PRKD1: variants seen among roughly 807,000 people sequenced by gnomAD.
The protein encoded by PRKD1 is protein kinase D1.
In PRKD1, 63 loss-of-function variants were observed where a neutral mutation model predicts 95.9. The observed-to-expected ratio is 0.66, with a 90% CI of 0.54 to 0.81. The LOEUF (loss-of-function observed/expected upper bound fraction) is 0.81, where lower values mean the gene tolerates loss of function less well. Ranked by LOEUF, PRKD1 falls within the 30% of genes least tolerant of loss-of-function variation. The probability of loss-of-function intolerance (pLI) is 0.00; values close to 1 mark genes in which losing one functional copy is unlikely to be tolerated. For missense variants in PRKD1, 1,048 were observed against 1,165.3 expected, an observed-to-expected ratio of 0.90 and a Z score of 1.47; for synonymous variants, 425 against 423.1, an observed-to-expected ratio of 1.00 and a Z score of -0.05.
At chr14:29,752,676 C>G (rs1009897227) in intron 1 of PRKD1, among the ~76,000 whole-genome samples, 2 of 151,878 alleles carry the variant, frequency 1.3e-5, no homozygotes, top group African/African-American at 4.8e-5. Context: ...CCCATGAGGG[C>G]ATCACCAACT....
intron 1 of PRKD1, among the ~76,000 whole-genome samples, chr14:29,881,969 T>G (rs1435287244): frequency 6.6e-6 from 1 of 152,188 alleles, no homozygotes; most frequent in Admixed American, 6.5e-5. Flanking sequence ...AGTTTTATAG[T>G]TTTTTAGCAT....
At chr14:29,710,889 T>A (rs570452559) in intron 2 of PRKD1, among the ~76,000 whole-genome samples, 2 of 152,282 alleles carry the variant, frequency 1.3e-5, no homozygotes, top group East Asian at 3.9e-4. Flanking sequence ...TTATCATCTA[T>A]GAAAGACAAT....
chr14:29,578,255 A>G lies in PRKD1; in HGVS notation c.2520+20T>C. 1.9e-6 allele frequency: 3 copies of G among 1,538,570 alleles called. No homozygotes were observed. Among genetic ancestry groups the G allele is most frequent in the Non-Finnish European group, 2.7e-6 (3 of 1,125,634 alleles). ...TTTAGAAGCTCATTCAACTAAGAAAACTCAGTGATTATTGTTTACCTGTAG... is the reference window on the plus strand; with the variant it reads ...TTTAGAAGCTCATTCAACTAAGAAAGCTCAGTGATTATTGTTTACCTGTAG... On this transcript the variant is annotated intron_variant, in intron 17 of 17. Transcript: ENST00000331968.
rs1892847895 is a variant in PRKD1 at position 29,865,200 on chromosome 14, A to G, written c.264+62049T>C. On this transcript the variant is annotated intron_variant, in intron 1 of 17. Transcript: ENST00000331968. ...TCAAATGCATTATGAAGATAAGGGA[A>G]GCATCACCAGAGTGGGTGACTGTTT... Among the ~76,000 whole-genome samples the G allele has an allele frequency of 2.0e-5, 3 of 152,346 alleles. No individual in the cohort carries two copies. In the South Asian group the frequency reaches 6.2e-4, roughly 32 times the overall value.
chr14:29,599,891 A>C (rs986397105), intron 13 of PRKD1, 74 bp from the exon 14 acceptor site: 12 of 1,394,758 alleles, frequency 8.6e-6, no homozygotes, highest in Non-Finnish European at 1.2e-5. Context: ...TGATTATACA[A>C]AACTGTTCAA....
chr14:29,893,404 T>G (rs1418717729), intron 1 of PRKD1, among the ~76,000 whole-genome samples: 1 of 151,944 alleles, frequency 6.6e-6, no homozygotes. Context: ...AAAGAGGTTT[T>G]TTTTTGGTTT....
At chr14:29,774,025 T>C (rs1301250816) in intron 1 of PRKD1, among the ~76,000 whole-genome samples, 1 of 152,216 alleles carries the variant, frequency 6.6e-6, no homozygotes, top group African/African-American at 2.4e-5. Flanking sequence ...AAAAGATCAG[T>C]TGAGCTACAG....
chr14:29,819,439 C>G (rs1890819283), intron 1 of PRKD1, among the ~76,000 whole-genome samples: 1 of 152,080 alleles, frequency 6.6e-6, no homozygotes, highest in East Asian at 1.9e-4. Flanking sequence ...GCCTGTAATC[C>G]CAGCACTTTG....
At chr14:29,893,521 C>T (rs923316451) in intron 1 of PRKD1, among the ~76,000 whole-genome samples, 3 of 151,776 alleles carry the variant, frequency 2.0e-5, no homozygotes, top group African/African-American at 7.3e-5. Context: ...GAATCTTGCT[C>T]TTAATTAAAG....
chr14:29,700,167 G>A (rs1884756089), intron 2 of PRKD1, among the ~76,000 whole-genome samples: 1 of 150,286 alleles, frequency 6.7e-6, no homozygotes, highest in African/African-American at 2.4e-5. Flanking sequence ...AAATTTTAGG[G>A]TACATTTCTT....
intron 1 of PRKD1, among the ~76,000 whole-genome samples, chr14:29,836,546 G>A (rs1053034978): frequency 6.6e-6 from 1 of 152,154 alleles, no homozygotes; most frequent in South Asian, 2.1e-4. Flanking sequence ...TGTTTTCAGA[G>A]TCCACCAGAC....
chr14:29,797,871 G>A lies in PRKD1; in HGVS notation c.265-72197C>T, dbSNP rs376733285. Among the ~76,000 whole-genome samples, 8 of 152,214 alleles carry A rather than the reference G, an allele frequency of 5.3e-5. No homozygotes were observed. In the South Asian group the frequency reaches 1.0e-3, roughly 20 times the overall value. On this transcript the variant is annotated intron_variant, in intron 1 of 17. Coordinates refer to ENST00000331968, the MANE Select transcript of PRKD1 (RefSeq NM_002742.3). ...TGAACATGATTTTGAGGTAATCAGT[G>A]GTTAATACCAACATCCTGGTGAAAT...
intron 16 of PRKD1, among the ~76,000 whole-genome samples, chr14:29,593,346 T>C (rs2138994066): frequency 6.6e-6 from 1 of 152,372 alleles, no homozygotes. Context: ...CATCTATTTT[T>C]ATAAAGGACA....
chr14:29,656,791 G>A (rs149113495), intron 4 of PRKD1, among the ~76,000 whole-genome samples: 1 of 152,202 alleles, frequency 6.6e-6, no homozygotes, highest in African/African-American at 2.4e-5. Context: ...TACTTGTCAT[G>A]GTCTCAGTGA....
chr14:29,656,443 A>G (rs1459869150), intron 4 of PRKD1: 1 of 1,518,964 alleles, frequency 6.6e-7, no homozygotes, highest in Non-Finnish European at 8.8e-7. Flanking sequence ...ACAGTGAAGC[A>G]AATTTCTAGC....
intron 1 of PRKD1, among the ~76,000 whole-genome samples, chr14:29,807,971 C>T (rs1890308073): frequency 6.6e-6 from 1 of 152,126 alleles, no homozygotes; most frequent in Non-Finnish European, 1.5e-5. Flanking sequence ...ATTCGCCCGC[C>T]TTGGCCTCCC....
At chr14:29,836,822 C>A (rs1408272111) in intron 1 of PRKD1, among the ~76,000 whole-genome samples, 1 of 151,980 alleles carries the variant, frequency 6.6e-6, no homozygotes, top group Non-Finnish European at 1.5e-5. Flanking sequence ...TGCCTTAGGG[C>A]CAATGAAAAT....
chr14:29,779,068 C>A (rs1460683429), intron 1 of PRKD1, among the ~76,000 whole-genome samples: 2 of 152,122 alleles, frequency 1.3e-5, no homozygotes, highest in Admixed American at 1.3e-4. Context: ...GCAGAAAAGG[C>A]CTTTGACAAA....
intron 1 of PRKD1, among the ~76,000 whole-genome samples, chr14:29,742,796 G>A (rs1887040473): frequency 6.6e-6 from 1 of 152,104 alleles, no homozygotes. Context: ...AATTTTGTTA[G>A]AGAAACAATG....
Sources: allele counts gnomAD v4.1 joint callset (sites outside exome capture counted in the v4.1 genomes callset), GRCh38; gene constraint gnomAD v4.1.1; transcripts MANE v1.5; gene names NCBI Gene and HGNC (gene_info 2026-07-23, HGNC 2026-07-21).